Variants in RARB observed in about 807,000 individuals in gnomAD.
RARB encodes HBV-activated protein.
In RARB, 17 loss-of-function variants were observed where a neutral mutation model predicts 51.9. That is an observed-to-expected ratio of 0.33 (90% CI 0.22 to 0.49). RARB has a LOEUF of 0.49. RARB is among the 20% of genes least tolerant of loss of function. The pLI is 0.99. For missense variants in RARB, 369 were observed against 550.8 expected, an observed-to-expected ratio of 0.67 and a Z score of 3.30; for synonymous variants, 215 against 195.4, an observed-to-expected ratio of 1.10 and a Z score of -0.84.
intron 5 of RARB, among the ~76,000 whole-genome samples, chr3:25,298,184 C>CT (rs5847347): frequency 0.015 from 2,026 of 136,946 alleles, 28 homozygotes; most frequent in African/African-American, 0.032. Context: ...GCTACCAAAT[C>CT]TTTTTTTTTT....
chr3:24,951,379 G>A (rs535939655), intron 2 of RARB, among the ~76,000 whole-genome samples: 1 of 152,280 alleles, frequency 6.6e-6, no homozygotes, highest in Non-Finnish European at 1.5e-5. Context: ...CAGAGAACAG[G>A]CCACGTGTGC....
At chr3:25,334,376 T>G (rs886817699) in intron 5 of RARB, among the ~76,000 whole-genome samples, 4 of 152,224 alleles carry the variant, frequency 2.6e-5, no homozygotes, top group Non-Finnish European at 4.4e-5. Flanking sequence ...CATGTCCTTT[T>G]TAGGGACATG....
At chr3:25,487,898 C>A (rs1024848270) in intron 2 of RARB, among the ~76,000 whole-genome samples, 6 of 152,172 alleles carry the variant, frequency 3.9e-5, no homozygotes, top group African/African-American at 1.4e-4. Flanking sequence ...ATGTTGAAAA[C>A]AAATAGGAAT....
chr3:25,101,947 G>T (rs1005461834), intron 3 of RARB, among the ~76,000 whole-genome samples: 1 of 152,094 alleles, frequency 6.6e-6, no homozygotes, highest in African/African-American at 2.4e-5. Context: ...TCAGAGTAAA[G>T]GGTGAACACT....
At chr3:25,028,909 C>G (rs959829248) in intron 2 of RARB, among the ~76,000 whole-genome samples, 5 of 152,176 alleles carry the variant, frequency 3.3e-5, no homozygotes, top group African/African-American at 9.7e-5. Context: ...CCATGTTAAC[C>G]TCCAACTCCA....
chr3:25,178,190 C>T (rs879926010), intron 5 of RARB, among the ~76,000 whole-genome samples: 1 of 152,056 alleles, frequency 6.6e-6, no homozygotes, highest in African/African-American at 2.4e-5. Flanking sequence ...AAGTTATTTG[C>T]AGAAGAGAAC....
At chr3:25,193,936 C>T (rs376157042) in intron 5 of RARB, among the ~76,000 whole-genome samples, 56 of 151,896 alleles carry the variant, frequency 3.7e-4, no homozygotes, top group African/African-American at 1.3e-3. Flanking sequence ...TATTTAGCTA[C>T]ACAATTTAGA....
At chr3:25,496,586 G>T (rs1575460137) in intron 2 of RARB, among the ~76,000 whole-genome samples, 1 of 152,332 alleles carries the variant, frequency 6.6e-6, no homozygotes, top group East Asian at 1.9e-4. Flanking sequence ...CCAGCCACAG[G>T]TTGGCATTCC....
intron 1 of RARB, among the ~76,000 whole-genome samples, chr3:24,833,665 G>A (rs1484165193): frequency 6.6e-6 from 1 of 152,170 alleles, no homozygotes; most frequent in Admixed American, 6.5e-5. Flanking sequence ...CTCATTTGGG[G>A]AAATGACAGT....
chr3:25,198,176 G>A (rs187724110), intron 5 of RARB, among the ~76,000 whole-genome samples: 4 of 152,148 alleles, frequency 2.6e-5, no homozygotes, highest in Admixed American at 1.3e-4. Context: ...ATTTTGGAAG[G>A]TACAATCTCG....
chr3:25,337,055 A>AGTAG (rs1705084229), intron 5 of RARB, among the ~76,000 whole-genome samples: 1 of 152,230 alleles, frequency 6.6e-6, no homozygotes, highest in South Asian at 2.1e-4. Flanking sequence ...TAGTAGAGCT[A>AGTAG]AACTCCATTA....
intron 3 of RARB, among the ~76,000 whole-genome samples, chr3:25,067,688 C>T (rs568264219): frequency 6.6e-6 from 1 of 152,150 alleles, no homozygotes; most frequent in Non-Finnish European, 1.5e-5. Context: ...CCTTTGCAAA[C>T]CCCCTTCTCC....
intron 4 of RARB, among the ~76,000 whole-genome samples, chr3:25,154,547 C>T (rs914947959): frequency 2.0e-5 from 3 of 152,226 alleles, no homozygotes; most frequent in African/African-American, 7.2e-5. Context: ...ATTTTCCACA[C>T]AGCTGCCAAA....
In RARB at chr3:24,900,940, T is replaced by C. The variant is rs543118982; in HGVS notation, c.-380+42188T>C. On this transcript the variant is annotated intron_variant, in intron 2 of 11. Coordinates refer to the RARB transcript ENST00000383772. The stretch of plus-strand genomic sequence containing the variant: ...TAATATGGGATGCATACATACAAGA[T>C]TCATTGATCCAATATTGGAAGACAA... Among the ~76,000 whole-genome samples the C allele has an allele frequency of 5.9e-5, 9 of 152,320 alleles. No homozygotes were observed. In the East Asian group the frequency reaches 1.7e-3, roughly 29 times the overall value.
intron 5 of RARB, among the ~76,000 whole-genome samples, chr3:25,222,648 G>A (rs1436617441): frequency 6.6e-6 from 1 of 152,120 alleles, no homozygotes; most frequent in Non-Finnish European, 1.5e-5. Flanking sequence ...GATGATAGAT[G>A]GAAGGAATGA....
chr3:25,034,132 A>G (rs1415603864), intron 2 of RARB, among the ~76,000 whole-genome samples: 2 of 152,164 alleles, frequency 1.3e-5, no homozygotes, highest in East Asian at 3.9e-4. Context: ...CAACATGGTG[A>G]AACCCCGTCT....
intron 2 of RARB, among the ~76,000 whole-genome samples, chr3:25,028,338 C>T (rs1697794740): frequency 6.6e-6 from 1 of 152,196 alleles, no homozygotes; most frequent in African/African-American, 2.4e-5. Flanking sequence ...AGGAGTCAGG[C>T]TTTCTCTCAT....
intron 1 of RARB, among the ~76,000 whole-genome samples, chr3:24,850,847 T>C (rs1020171920): frequency 6.6e-6 from 1 of 152,168 alleles, no homozygotes; most frequent in Admixed American, 6.5e-5. Flanking sequence ...ATGCTGATGC[T>C]GCCAGTCTGT....
At chr3:25,416,800 G>T (rs545890138) in intron 5 of RARB, among the ~76,000 whole-genome samples, 1 of 152,180 alleles carries the variant, frequency 6.6e-6, no homozygotes, top group Non-Finnish European at 1.5e-5. Context: ...TTTCAGAGGG[G>T]CACGTCACTC....
Sources: allele counts gnomAD v4.1 joint callset (sites outside exome capture counted in the v4.1 genomes callset), GRCh38; gene constraint gnomAD v4.1.1; transcripts MANE v1.5; gene names NCBI Gene and HGNC (gene_info 2026-07-23, HGNC 2026-07-21).